The following NECAB1 variants were observed in gnomAD, a reference collection of about 807,000 sequenced individuals.
NECAB1 encodes the protein N-terminal EF-hand calcium binding protein 1, also known as N-terminal EF-hand calcium-binding protein 1.
Under a neutral mutation model 57.5 loss-of-function variants are expected in NECAB1, and 29 were observed. The ratio of observed to expected loss-of-function variants is 0.50; its 90% CI spans 0.38 to 0.69. The LOEUF (loss-of-function observed/expected upper bound fraction) is 0.69, where lower values mean the gene tolerates loss of function less well. Ranked by LOEUF, NECAB1 falls within the 30% of genes least tolerant of loss-of-function variation. The probability of loss-of-function intolerance (pLI) is 0.00; values close to 1 mark genes in which losing one functional copy is unlikely to be tolerated. For missense variants in NECAB1, 372 were observed against 413.8 expected (o/e 0.90, Z 0.88); for synonymous variants, 142 against 147.7 (o/e 0.96, Z 0.28).
intron 3 of NECAB1, among the ~76,000 whole-genome samples, chr8:90,869,881 G>T (rs531527838): frequency 4.7e-4 from 72 of 152,200 alleles, no homozygotes; most frequent in Admixed American, 1.6e-3. Flanking sequence ...GCATAGGGGA[G>T]GAATGATATG....
intron 6 of NECAB1, among the ~76,000 whole-genome samples, chr8:90,920,181 T>G (rs372991617): frequency 4.3e-4 from 65 of 152,316 alleles, no homozygotes; most frequent in African/African-American, 1.4e-3. Flanking sequence ...TGCTGTTGTA[T>G]GGCATTTGAC....
chr8:90,871,422 T>G (rs1340578317), intron 3 of NECAB1, among the ~76,000 whole-genome samples: 1 of 152,152 alleles, frequency 6.6e-6, no homozygotes, highest in African/African-American at 2.4e-5. Context: ...GTAAAGGACA[T>G]TATTCTTCTG....
At chr8:90,856,324 T>A (rs181753970) in intron 3 of NECAB1, among the ~76,000 whole-genome samples, 56 of 151,978 alleles carry the variant, frequency 3.7e-4, no homozygotes, top group South Asian at 2.3e-3. Context: ...TTTCTTTTTT[T>A]AAAAAAAAGT....
intron 3 of NECAB1, among the ~76,000 whole-genome samples, chr8:90,837,025 A>C (rs1176914478): frequency 2.0e-5 from 3 of 152,230 alleles, no homozygotes; most frequent in Non-Finnish European, 4.4e-5. Context: ...TGCAATAGTT[A>C]ATTGTTGATA....
intron 3 of NECAB1, among the ~76,000 whole-genome samples, chr8:90,838,462 C>T (rs73313090): frequency 0.14 from 20,580 of 152,186 alleles, 2,494 homozygotes; most frequent in African/African-American, 0.32. Flanking sequence ...TTCAGGGTTG[C>T]AGGTGGCCAG....
intron 3 of NECAB1, among the ~76,000 whole-genome samples, chr8:90,839,491 T>C (rs1812421877): frequency 6.6e-6 from 1 of 152,182 alleles, no homozygotes; most frequent in Admixed American, 6.5e-5. Context: ...AGACAAGCAA[T>C]AACTTGATTA....
At chr8:90,801,834 T>A (rs1410023587) in intron 2 of NECAB1, 119 bp downstream of exon 2, 1 of 646,048 alleles carries the variant, frequency 1.5e-6, no homozygotes, top group African/African-American at 1.9e-5. Flanking sequence ...TACTACCTTA[T>A]TGTACTAGTG....
At chr8:90,874,197 A>G (rs537510391) in intron 4 of NECAB1, among the ~76,000 whole-genome samples, 1 of 152,362 alleles carries the variant, frequency 6.6e-6, no homozygotes, top group East Asian at 1.9e-4. Context: ...ATTCACACCC[A>G]GCACAAATTC....
chr8:90,797,814 C>T (rs907521136), intron 1 of NECAB1, among the ~76,000 whole-genome samples: 2 of 152,144 alleles, frequency 1.3e-5, no homozygotes, highest in South Asian at 2.1e-4. Flanking sequence ...AAGCAGAGAT[C>T]ATCTCATCAA....
At chr8:90,914,969 T>G (rs1586119392) in intron 5 of NECAB1, among the ~76,000 whole-genome samples, 1 of 152,206 alleles carries the variant, frequency 6.6e-6, no homozygotes, top group East Asian at 1.9e-4. Context: ...CTAACTATAA[T>G]TTTTTAATCT....
At chr8:90,795,305 T>C (rs1811641468) in intron 1 of NECAB1, among the ~76,000 whole-genome samples, 1 of 152,210 alleles carries the variant, frequency 6.6e-6, no homozygotes, top group Non-Finnish European at 1.5e-5. Context: ...AGCAACTTCA[T>C]CCACCCAATG....
At chr8:90,834,238 A>C (rs1243512810) in intron 3 of NECAB1, among the ~76,000 whole-genome samples, 2 of 151,770 alleles carry the variant, frequency 1.3e-5, no homozygotes, top group African/African-American at 4.8e-5. Context: ...CCAAAAAGTC[A>C]CTGCTTACTT....
At position 90,824,757 on chromosome 8, in the gene NECAB1, T is replaced by C; in HGVS notation, c.165T>C (p.Phe55=). The C allele has an allele frequency of 6.4e-7, 1 of 1,553,034 alleles. No individual in the cohort carries two copies. Among genetic ancestry groups the C allele is most frequent in the South Asian group, 1.2e-5 (1 of 83,010 alleles). Reference sequence around the variant, plus strand: ...CCTTTGAAGAATTCAAAGCATATTTTGCAGATGGTGTTCTCAGTGGAGAAG... The same window carrying C: ...CCTTTGAAGAATTCAAAGCATATTTCGCAGATGGTGTTCTCAGTGGAGAAG... ...KLSFEEFKAY[F]ADGVLSGEEL... is the part of the protein sequence containing the mutation. The change falls in exon 3 of 13, where the codon TTT becomes TTC. Residue 55 remains phenylalanine, a synonymous_variant. Transcript: ENST00000417640.
chr8:90,805,278 C>G (rs777604448), intron 2 of NECAB1, among the ~76,000 whole-genome samples: 27 of 152,276 alleles, frequency 1.8e-4, no homozygotes, highest in Admixed American at 2.0e-4. Flanking sequence ...TGCTAACAGA[C>G]CCTCATGTGA....
chr8:90,947,081 C>T lies in NECAB1; in HGVS notation c.861-2726C>T, dbSNP rs192700943. On this transcript the variant is annotated intron_variant, in intron 10 of 12. Transcript: ENST00000417640. ...AGAGCAATACATGTAGAAATCATCACCACCACCACCATTAATACTTATATT... is the reference window on the plus strand; with the variant it reads ...AGAGCAATACATGTAGAAATCATCATCACCACCACCATTAATACTTATATT... Among the ~76,000 whole-genome samples the T allele has an allele frequency of 1.9e-3, 293 of 152,150 alleles. 2 individuals carry two copies. The highest frequency in any genetic ancestry group is 3.4e-3 in the Middle Eastern group (1 of 294).
chr8:90,952,793 T>C (rs1016248161), intron 12 of NECAB1, among the ~76,000 whole-genome samples: 1 of 88,034 alleles, frequency 1.1e-5, no homozygotes, highest in Admixed American at 1.2e-4. Context: ...ACAATAATAA[T>C]AAAATTAAAA....
chr8:90,906,771 C>T (rs1443664272), intron 5 of NECAB1, among the ~76,000 whole-genome samples: 1 of 149,808 alleles, frequency 6.7e-6, no homozygotes, highest in African/African-American at 2.5e-5. Context: ...ATAAGACATT[C>T]AGAACTAATT....
chr8:90,931,204 G>A (rs918079913), intron 8 of NECAB1, among the ~76,000 whole-genome samples: 4 of 151,940 alleles, frequency 2.6e-5, no homozygotes, highest in Admixed American at 2.6e-4. Flanking sequence ...CTGTCTTAAT[G>A]AATGGAGAAG....
At chr8:90,864,863 C>T (rs1466645675) in intron 3 of NECAB1, among the ~76,000 whole-genome samples, 1 of 152,016 alleles carries the variant, frequency 6.6e-6, no homozygotes, top group Non-Finnish European at 1.5e-5. Flanking sequence ...ACATAAAATA[C>T]CCAAGGAGTA....
Sources: allele counts gnomAD v4.1 joint callset (sites outside exome capture counted in the v4.1 genomes callset), GRCh38; gene constraint gnomAD v4.1.1; transcripts MANE v1.5; gene names NCBI Gene and HGNC (gene_info 2026-07-23, HGNC 2026-07-21).